The following SPNS3 variants were observed in gnomAD, a reference collection of about 807,000 sequenced individuals.
SPNS3 encodes protein spinster homolog 3.
Under a neutral mutation model 54.4 loss-of-function variants are expected in SPNS3, and 51 were observed. The ratio of observed to expected loss-of-function variants is 0.94; its 90% CI spans 0.75 to 1.18. SPNS3 has a LOEUF of 1.18. Among genes scored for constraint, SPNS3 ranks in the 50% most tolerant of loss-of-function variants. The probability of loss-of-function intolerance (pLI) is 0.00; values close to 1 mark genes in which losing one functional copy is unlikely to be tolerated. For missense variants in SPNS3, 669 were observed against 677.4 expected (o/e 0.99, Z 0.14); for synonymous variants, 309 against 294.7 (o/e 1.05, Z -0.50).
chr17:4,453,646 C>A (rs907065646), intron 8 of SPNS3, among the ~76,000 whole-genome samples: 2 of 151,982 alleles, frequency 1.3e-5, no homozygotes, highest in Non-Finnish European at 2.9e-5. Flanking sequence ...GAGAAGCTTA[C>A]CAGGAGTTCC....
rs373836833 is a variant in SPNS3, at chr17:4,441,983, A to AGTGTGTGTGTGTGTGTGTGTGT, written c.265+2273_265+2294dup. ...ACAAGTCCTGGGCCACGGAGGGAGAAGTGTGTGTGTGTGTGTGTGTGTGTG... is the reference window on the plus strand; with the variant it reads ...ACAAGTCCTGGGCCACGGAGGGAGAAGTGTGTGTGTGTGTGTGTGTGTGTGTGTGTGTGTGTGTGTGTGTGTG... On this transcript the variant is annotated intron_variant, in intron 2 of 11. Transcript: ENST00000355530. Among the ~76,000 whole-genome samples, 959 of 139,050 alleles carry AGTGTGTGTGTGTGTGTGTGTGT rather than the reference A, an allele frequency of 6.9e-3. 11 individuals are homozygous for AGTGTGTGTGTGTGTGTGTGTGT. Among genetic ancestry groups the AGTGTGTGTGTGTGTGTGTGTGT allele is most frequent in the African/African-American group, 8.9e-3 (327 of 36,804 alleles). The allele number at this position is 139,050 out of a possible 152,430, so 91.2% of individuals were successfully genotyped here. A position where few individuals can be genotyped will look rare whatever the true frequency, so the allele number is the denominator to read the frequency against.
intron 2 of SPNS3, among the ~76,000 whole-genome samples, chr17:4,441,294 G>A (rs529500654): frequency 3.9e-5 from 6 of 152,224 alleles, no homozygotes; most frequent in African/African-American, 1.2e-4. Flanking sequence ...AGGCAGAGGC[G>A]GGAGAATAGC....
chr17:4,485,449 T>G (rs937999832), intron 9 of SPNS3, among the ~76,000 whole-genome samples: 18 of 151,704 alleles, frequency 1.2e-4, no homozygotes, highest in African/African-American at 1.9e-4. Context: ...CCAGGTTGGA[T>G]TGCAGTGGTA....
chr17:4,447,943 T>C (rs994999950), intron 5 of SPNS3, among the ~76,000 whole-genome samples: 2 of 152,100 alleles, frequency 1.3e-5, no homozygotes, highest in African/African-American at 4.8e-5. Flanking sequence ...GAGTCTCCAC[T>C]CCCTGGAAAG....
chr17:4,446,811 G>T, intron 4 of SPNS3, 85 bp from the exon 5 acceptor site: 1 of 1,316,752 alleles, frequency 7.6e-7, no homozygotes, highest in East Asian at 2.3e-5. Flanking sequence ...GGGCGTGGGG[G>T]GGGCACCCTG....
chr17:4,440,764 G>C (rs1334924413), intron 2 of SPNS3, among the ~76,000 whole-genome samples: 1 of 152,164 alleles, frequency 6.6e-6, no homozygotes, highest in Non-Finnish European at 1.5e-5. Flanking sequence ...GGGGGACCTT[G>C]GGAGCAAAGC....
Position 4,486,065 on chromosome 17 carries a change from A to G in SPNS3, c.1180-163A>G, listed in dbSNP as rs1165985335. ...AGCTTCAGATGGGCTTGATGTCTTG[A>G]TGTTCTGGGGTGGGACTTTAGACCT... On this transcript the variant is annotated intron_variant, in intron 9 of 11. Transcript: ENST00000355530. The surrounding 1 kb of genome is among the most constrained non-coding windows in gnomAD (Gnocchi z 5.5). The G allele has an allele frequency of 3.6e-6, 2 of 554,928 alleles. No individual in the cohort carries two copies. Among genetic ancestry groups the G allele is most frequent in the Non-Finnish European group, 6.0e-6 (2 of 330,806 alleles). 34.4% of individuals were successfully genotyped at this position (554,928 alleles called of 1,614,324 possible).
chr17:4,464,538 C>T (rs998560507), intron 8 of SPNS3, among the ~76,000 whole-genome samples: 1 of 152,142 alleles, frequency 6.6e-6, no homozygotes, highest in African/African-American at 2.4e-5. Flanking sequence ...TCCTTCTTTC[C>T]TTACCAGTTG....
At chr17:4,448,392 G>A (rs534788954) in intron 6 of SPNS3, 89 bp downstream of exon 6, 3 of 1,314,348 alleles carry the variant, frequency 2.3e-6, no homozygotes, top group South Asian at 3.7e-5. Context: ...CCTCCAGGGA[G>A]CCCTCCCTGG....
intron 8 of SPNS3, among the ~76,000 whole-genome samples, chr17:4,461,376 T>C (rs1043627529): frequency 2.2e-5 from 3 of 135,800 alleles, no homozygotes; most frequent in African/African-American, 8.0e-5. Flanking sequence ...TTTTTTTTTT[T>C]TTTTTTTTTT....
At chr17:4,438,451 A>G (rs1970768675) in intron 1 of SPNS3, among the ~76,000 whole-genome samples, 1 of 152,174 alleles carries the variant, frequency 6.6e-6, no homozygotes, top group African/African-American at 2.4e-5. Context: ...TCTTCTTCAT[A>G]ATAATGACAG....
intron 8 of SPNS3, among the ~76,000 whole-genome samples, chr17:4,462,121 C>A: frequency 0.12 from 1 of 8 alleles, no homozygotes; most frequent in Non-Finnish European, 0.17. Context: ...ATCCATCCAT[C>A]CATCCATCCA....
chr17:4,447,367 G>A (rs1971026731), intron 5 of SPNS3, among the ~76,000 whole-genome samples: 2 of 152,228 alleles, frequency 1.3e-5, no homozygotes, highest in East Asian at 1.9e-4. Context: ...TTGCTCAGCA[G>A]TTCAGCAGAA....
intron 8 of SPNS3, among the ~76,000 whole-genome samples, chr17:4,463,735 C>A: frequency 6.9e-6 from 1 of 145,480 alleles, no homozygotes. Flanking sequence ...GAGACTCCAT[C>A]TCGAAAAAAA....
intron 8 of SPNS3, among the ~76,000 whole-genome samples, chr17:4,458,588 C>CCTTCCTTCCTTCCTTCCTTT (rs1413694695): frequency 1.0e-4 from 6 of 59,332 alleles, no homozygotes; most frequent in African/African-American, 3.6e-4. Context: ...TTCCTTCCCT[C>CCTTCCTTCCTTCCTTCCTTT]CTTTCTTTCT....
chr17:4,454,047 C>G (rs1392927812), intron 8 of SPNS3, among the ~76,000 whole-genome samples: 1 of 152,192 alleles, frequency 6.6e-6, no homozygotes, highest in East Asian at 1.9e-4. Flanking sequence ...ATCCTGAAAT[C>G]CTCCTTCTGC....
chr17:4,453,091 C>T lies in SPNS3; in HGVS notation c.999C>T (p.Tyr333=), dbSNP rs576651618. The T allele has an allele frequency of 5.6e-6, 9 of 1,614,102 alleles. No individual in the cohort carries two copies. The highest frequency in any genetic ancestry group is 4.0e-5 in the African/African-American group (3 of 75,028). Residue 333 remains tyrosine (Y), a synonymous_variant, in exon 8 of 12, where the codon TAC becomes TAT. Coordinates refer to ENST00000355530, the MANE Select transcript of SPNS3 (RefSeq NM_182538.5). The part of the protein sequence containing the change: ...VILGAEAARR[Y]KKVIPGAEPL... ...TGGGGGCAGAAGCTGCGAGGAGGTACAAGAAAGTCATTCCAGGAGCTGAGC... is the reference window on the plus strand; with the variant it reads ...TGGGGGCAGAAGCTGCGAGGAGGTATAAGAAAGTCATTCCAGGAGCTGAGC...
chr17:4,458,568 CCTTT>C (rs1278598004), intron 8 of SPNS3, among the ~76,000 whole-genome samples: 1 of 138,274 alleles, frequency 7.2e-6, no homozygotes, highest in Admixed American at 7.4e-5. Flanking sequence ...TTCCTTCCCT[CCTTT>C]CTTTCTTCCT....
At chr17:4,450,100 A>T (rs553690717) in intron 7 of SPNS3, among the ~76,000 whole-genome samples, 4 of 150,488 alleles carry the variant, frequency 2.7e-5, no homozygotes, top group Admixed American at 1.3e-4. Context: ...GCCTCCTTGC[A>T]GTCCCCTCCT....
Sources: allele counts gnomAD v4.1 joint callset (sites outside exome capture counted in the v4.1 genomes callset), GRCh38; gene constraint gnomAD v4.1.1; non-coding constraint Gnocchi (gnomAD v3.1); transcripts MANE v1.5; gene names NCBI Gene and HGNC (gene_info 2026-07-23, HGNC 2026-07-21).